Variants in OLFM4 observed in about 807,000 individuals in gnomAD.
OLFM4 encodes the protein olfactomedin 4.
In OLFM4, 22 loss-of-function variants were observed where a neutral mutation model predicts 25.5. The ratio of observed to expected loss-of-function variants is 0.86; its 90% CI spans 0.62 to 1.23. The LOEUF (loss-of-function observed/expected upper bound fraction) is 1.23. OLFM4 is among the 50% of genes most tolerant of loss of function. The pLI, the probability that OLFM4 is intolerant of heterozygous loss-of-function variation, is 0.00. For synonymous variants in OLFM4, 255 were observed against 237.7 expected (o/e 1.07, Z -0.67); for missense variants, 594 against 619.4 (o/e 0.96, Z 0.44).
At chr13:53,035,058 T>C (rs2138232936) in intron 2 of OLFM4, among the ~76,000 whole-genome samples, 1 of 152,150 alleles carries the variant, frequency 6.6e-6, no homozygotes, top group Non-Finnish European at 1.5e-5. Flanking sequence ...GGGACATTTT[T>C]GGGTATTTTC....
chr13:53,049,912 T>G, intron 4 of OLFM4, 57 bp from the exon 5 acceptor site: 14 of 1,484,324 alleles, frequency 9.4e-6, no homozygotes, highest in Non-Finnish European at 1.3e-5. Flanking sequence ...ATTAAACTAT[T>G]TGTATCCTGT....
chr13:53,041,656 C>T (rs1954687382), intron 2 of OLFM4, among the ~76,000 whole-genome samples: 1 of 152,140 alleles, frequency 6.6e-6, no homozygotes, highest in South Asian at 2.1e-4. Flanking sequence ...AATATACCTG[C>T]AAATGATGAT....
In OLFM4 at chr13:53,051,016, G is replaced by T; in HGVS notation, c.*245G>T. On this transcript the variant is annotated 3_prime_UTR_variant, in exon 5 of 5. Coordinates refer to ENST00000219022, the MANE Select transcript of OLFM4 (RefSeq NM_006418.5). ...CTAGGGTGGGATTGTCAGAGGTCTAGGGGCACTGTGGGCCTAGTGAAGCCT... is the reference window on the plus strand; with the variant it reads ...CTAGGGTGGGATTGTCAGAGGTCTATGGGCACTGTGGGCCTAGTGAAGCCT... 2.3e-6 allele frequency: 1 copy of T among 434,732 alleles called. No homozygotes were observed. Among genetic ancestry groups the T allele is most frequent in the Non-Finnish European group, 4.0e-6 (1 of 248,254 alleles). 26.9% of individuals were successfully genotyped at this position (434,732 alleles called of 1,614,324 possible).
At chr13:53,030,135 T>C (rs1954621296) in intron 1 of OLFM4, among the ~76,000 whole-genome samples, 1 of 152,144 alleles carries the variant, frequency 6.6e-6, no homozygotes. Context: ...GGAAAAGACT[T>C]TTATTTGTTT....
chr13:53,036,402 T>C (rs1268351903), intron 2 of OLFM4, among the ~76,000 whole-genome samples: 3 of 152,210 alleles, frequency 2.0e-5, no homozygotes, highest in Non-Finnish European at 4.4e-5. Flanking sequence ...AAACTACTGA[T>C]TTACATGTTG....
chr13:53,038,534 AT>A (rs1419380392), intron 2 of OLFM4, among the ~76,000 whole-genome samples: 26 of 152,336 alleles, frequency 1.7e-4, no homozygotes, highest in African/African-American at 5.5e-4. Flanking sequence ...GTGTGTGCAT[AT>A]ATATCTAAAC....
chr13:53,048,309 C>G (rs1954726069), intron 4 of OLFM4, among the ~76,000 whole-genome samples: 1 of 152,076 alleles, frequency 6.6e-6, no homozygotes, highest in African/African-American at 2.4e-5. Flanking sequence ...TTAAAATAAA[C>G]CTGTGACTGT....
Position 53,050,150 on chromosome 13 carries a change from A to T in OLFM4, c.912A>T (p.Arg304Ser). Reference sequence around the variant, plus strand: ...ATGGGAGACTGTTGGAGTATTATAGACTGTACAACACACTGGATGATTTGC... The same window carrying T: ...ATGGGAGACTGTTGGAGTATTATAGTCTGTACAACACACTGGATGATTTGC... ...NTDGRLLEYY[R>S]LYNTLDDLLL... Residue 304 changes from arginine to serine, a missense_variant, in exon 5 of 5, where the codon AGA (arginine) becomes AGT (serine). Coordinates refer to ENST00000219022, the MANE Select transcript of OLFM4 (RefSeq NM_006418.5). 6 of 1,613,934 alleles carry T rather than the reference A, an allele frequency of 3.7e-6. No individual in the cohort carries two copies. Among genetic ancestry groups the T allele is most frequent in the Non-Finnish European group, 5.1e-6 (6 of 1,179,930 alleles).
At chr13:53,035,096 CCTT>C (rs994366267) in intron 2 of OLFM4, among the ~76,000 whole-genome samples, 1 of 151,644 alleles carries the variant, frequency 6.6e-6, no homozygotes, top group Non-Finnish European at 1.5e-5. Context: ...TTTTTTCCCT[CCTT>C]CTTTTCCCTT....
chr13:53,036,673 T>C (rs1418425812), intron 2 of OLFM4, among the ~76,000 whole-genome samples: 1 of 152,196 alleles, frequency 6.6e-6, no homozygotes, highest in African/African-American at 2.4e-5. Context: ...CTAGCTAGGA[T>C]TTATATAATC....
Position 53,050,422 on chromosome 13 carries a change from T to C in OLFM4, c.1184T>C (p.Ile395Thr), listed in dbSNP as rs367639094. 1 of 1,614,084 alleles carries C rather than the reference T, an allele frequency of 6.2e-7. No individual in the cohort carries two copies. The change falls in exon 5 of 5, where the codon ATT becomes ACT. Residue 395 changes from isoleucine (I) to threonine (T), a missense_variant. Coordinates refer to ENST00000219022, the MANE Select transcript of OLFM4 (RefSeq NM_006418.5). ...FAVDENGLWV[I>T]YSTEASTGNM... Reference sequence around the variant, plus strand: ...GTGGATGAGAATGGATTGTGGGTTATTTATTCAACTGAAGCCAGCACTGGT... The same window carrying C: ...GTGGATGAGAATGGATTGTGGGTTACTTATTCAACTGAAGCCAGCACTGGT...
Position 53,034,749 on chromosome 13 carries a change from C to T in OLFM4, c.357+249C>T, listed in dbSNP as rs191939332. 6.0e-4 allele frequency among the ~76,000 whole-genome samples: 92 copies of T among 152,258 alleles called. 1 individual carries two copies. The highest frequency in any genetic ancestry group is 1.2e-3 in the Non-Finnish European group (82 of 68,020). On this transcript the variant is annotated intron_variant, in intron 2 of 4. Coordinates refer to ENST00000219022, the MANE Select transcript of OLFM4 (RefSeq NM_006418.5). ...ATAAACTCACTATAGTATTGTGGTA[C>T]TTAGGCAGTTGGAAAGAAGCCTTGA...
chr13:53,050,163 C>T lies in OLFM4; in HGVS notation c.925C>T (p.Leu309=). The T allele has an allele frequency of 6.2e-7, 1 of 1,613,946 alleles. No individual in the cohort carries two copies. Among genetic ancestry groups the T allele is most frequent in the Non-Finnish European group, 8.5e-7 (1 of 1,179,940 alleles). ...LLEYYRLYNT[L]DDLLLYINAR... is the part of the protein sequence containing the mutation. The stretch of plus-strand genomic sequence containing the variant: ...GGAGTATTATAGACTGTACAACACA[C>T]TGGATGATTTGCTATTGTATATAAA... The change falls in exon 5 of 5, where the codon CTG becomes TTG. Residue 309 remains leucine (L), a synonymous_variant. Transcript: ENST00000219022.
Position 53,050,825 on chromosome 13 carries a change from T to TTTGGGAGG in OLFM4, c.*54_*55insTTGGGAGG. On this transcript the variant is annotated 3_prime_UTR_variant, in exon 5 of 5. Transcript: ENST00000219022. The stretch of plus-strand genomic sequence containing the variant: ...AATGTTTGTTGAAAAAATAGTCTTC[T>TTTGGGAGG]CCACTTACTTAGATATCTGCAGGGG... The TTTGGGAGG allele has an allele frequency of 1.4e-6, 2 of 1,461,888 alleles. No individual in the cohort carries two copies. Among genetic ancestry groups the TTTGGGAGG allele is most frequent in the Non-Finnish European group, 1.8e-6 (2 of 1,088,864 alleles). 90.6% of individuals were successfully genotyped at this position (1,461,888 alleles called of 1,614,324 possible).
At chr13:53,031,066 A>T (rs1388763478) in intron 1 of OLFM4, among the ~76,000 whole-genome samples, 1 of 152,260 alleles carries the variant, frequency 6.6e-6, no homozygotes, top group East Asian at 1.9e-4. Context: ...AGAAACAGAG[A>T]AATCCAGAAT....
At chr13:53,045,172 A>T (rs1397395013) in intron 4 of OLFM4, among the ~76,000 whole-genome samples, 2 of 152,080 alleles carry the variant, frequency 1.3e-5, no homozygotes, top group African/African-American at 4.8e-5. Flanking sequence ...GAGAAAATGC[A>T]TTGCTTAGTA....
At chr13:53,030,749 T>C (rs1173818070) in intron 1 of OLFM4, among the ~76,000 whole-genome samples, 2 of 152,254 alleles carry the variant, frequency 1.3e-5, no homozygotes, top group Non-Finnish European at 2.9e-5. Flanking sequence ...GTCCATTCTC[T>C]TCACCATGTC....
In OLFM4 at chr13:53,028,938, C is replaced by T. The variant is rs1424731581; in HGVS notation, c.102C>T (p.Phe34=). Residue 34 remains phenylalanine, a synonymous_variant, in exon 1 of 5, where the codon TTC becomes TTT. Transcript: ENST00000219022. The stretch of plus-strand genomic sequence containing the variant: ...GACCTCCAATTCCCAGCCCCGGCTT[C>T]AGCTCTTTCCCAGGTGTTGACTCCA... The part of the protein sequence containing the change: ...DVGPPIPSPG[F]SSFPGVDSSS... 2.5e-6 allele frequency: 4 copies of T among 1,614,236 alleles called. No homozygotes were observed. The highest frequency in any genetic ancestry group is 2.5e-6 in the Non-Finnish European group (3 of 1,180,046).
At position 53,052,028 on chromosome 13, in the gene OLFM4, A is replaced by G. The variant is rs1434612496; in HGVS notation, c.*1257A>G. 1 of 152,152 alleles carries G rather than the reference A, an allele frequency of 6.6e-6. No homozygotes were observed. The highest frequency in any genetic ancestry group is 1.5e-5 in the Non-Finnish European group (1 of 68,036). 9.4% of individuals were successfully genotyped at this position (152,152 alleles called of 1,614,324 possible). A position where few individuals can be genotyped will look rare whatever the true frequency, so the allele number is the denominator to read the frequency against. ...TTAAATGCTTTACTCCCCCTTTTAA[A>G]ATAAATGATTAAAATGTGCTTTGAA... On this transcript the variant is annotated 3_prime_UTR_variant, in exon 5 of 5. Transcript: ENST00000219022.
Sources: allele counts gnomAD v4.1 joint callset (sites outside exome capture counted in the v4.1 genomes callset), GRCh38; gene constraint gnomAD v4.1.1; transcripts MANE v1.5; gene names NCBI Gene and HGNC (gene_info 2026-07-23, HGNC 2026-07-21).